The following ARMC8 variants were observed in gnomAD, a reference collection of about 807,000 sequenced individuals.
The protein encoded by ARMC8 is armadillo repeat containing 8.
ARMC8 carries 20 observed loss-of-function variants against 99.3 expected under a neutral mutation model. The ratio of observed to expected loss-of-function variants is 0.20; its 90% confidence interval spans 0.14 to 0.29. ARMC8 has a LOEUF of 0.29. Ranked by LOEUF, ARMC8 falls within the 10% of genes least tolerant of loss-of-function variation. The pLI is 1.00. For missense variants in ARMC8, 569 were observed against 809.5 expected (o/e 0.70, Z 3.60); for synonymous variants, 263 against 278.3 (o/e 0.95, Z 0.55).
chr3:138,262,613 AT>A lies in ARMC8; in HGVS notation c.1135-1123del, dbSNP rs140978932. The stretch of plus-strand genomic sequence containing the variant: ...TGAGGAGATTAAAAAAAAAAAAAAA[AT>A]TTAGGTGCCTAGCCCTGACCCTGGA... On this transcript the variant is annotated intron_variant, in intron 12 of 21. Transcript: ENST00000469044. 3.4e-3 allele frequency: 5,008 copies of A among 1,486,142 alleles called. 1 individual carries two copies. Among genetic ancestry groups the A allele is most frequent in the South Asian group, 0.018 (1,306 of 74,050 alleles). 92.1% of individuals were successfully genotyped at this position (1,486,142 alleles called of 1,614,324 possible). A position where few individuals can be genotyped will look rare whatever the true frequency, so the allele number is the denominator to read the frequency against.
chr3:138,211,849 T>G (rs866740010), intron 2 of ARMC8, among the ~76,000 whole-genome samples: 25 of 152,132 alleles, frequency 1.6e-4, no homozygotes, highest in African/African-American at 5.1e-4. Flanking sequence ...GTCTGATACG[T>G]TGTGGATCAG....
chr3:138,195,248 G>A (rs1434543087), intron 1 of ARMC8, among the ~76,000 whole-genome samples: 1 of 149,160 alleles, frequency 6.7e-6, no homozygotes, highest in South Asian at 2.1e-4. Context: ...ACTGCAGTCC[G>A]CAGTCCGGCC....
At chr3:138,274,108 C>T (rs747859564) in intron 17 of ARMC8, among the ~76,000 whole-genome samples, 1 of 151,980 alleles carries the variant, frequency 6.6e-6, no homozygotes, top group African/African-American at 2.4e-5. Flanking sequence ...GTGAGCGTAC[C>T]GTACTTGGCC....
At chr3:138,250,686 G>A (rs2047082386) in intron 12 of ARMC8, among the ~76,000 whole-genome samples, 1 of 152,164 alleles carries the variant, frequency 6.6e-6, no homozygotes. Context: ...GCTTATGGTT[G>A]TCATGGATGT....
At chr3:138,269,795 A>G (rs2048606641) in intron 15 of ARMC8, among the ~76,000 whole-genome samples, 1 of 150,874 alleles carries the variant, frequency 6.6e-6, no homozygotes, top group Non-Finnish European at 1.5e-5. Context: ...AGGAAATGAC[A>G]GAGTGGTTTG....
At chr3:138,235,292 C>G (rs890765957) in intron 7 of ARMC8, among the ~76,000 whole-genome samples, 178 bp downstream of exon 7, 2 of 151,614 alleles carry the variant, frequency 1.3e-5, no homozygotes, top group African/African-American at 4.8e-5. Flanking sequence ...AAAAAAGCTG[C>G]CCTTGCATCT....
At chr3:138,188,318 A>G in intron 1 of ARMC8, 2 of 1,173,430 alleles carry the variant, frequency 1.7e-6, no homozygotes, top group African/African-American at 1.6e-5. Flanking sequence ...AAAGGGGGTG[A>G]GATTTATTTC....
chr3:138,274,233 A>ATGTGTGTGTGTG (rs142329302), intron 17 of ARMC8, among the ~76,000 whole-genome samples: 14 of 142,342 alleles, frequency 9.8e-5, no homozygotes, highest in African/African-American at 3.6e-4. Flanking sequence ...GTGTATATAC[A>ATGTGTGTGTGTG]TGTGTGTGTG....
At chr3:138,208,089 T>G (rs1159431757) in intron 1 of ARMC8, among the ~76,000 whole-genome samples, 4 of 38,892 alleles carry the variant, frequency 1.0e-4, no homozygotes, top group African/African-American at 2.2e-4. Context: ...GGCATCTCTG[T>G]TTTTTTTTTT....
chr3:138,289,177 G>A, intron 20 of ARMC8, 57 bp downstream of exon 20: 1 of 1,403,516 alleles, frequency 7.1e-7, no homozygotes, highest in East Asian at 2.3e-5. Flanking sequence ...GTCTTGCACA[G>A]GGAAGCTAGC....
At chr3:138,242,028 A>C in intron 11 of ARMC8, 45 bp downstream of exon 11, 8 of 1,551,336 alleles carry the variant, frequency 5.2e-6, no homozygotes, top group Non-Finnish European at 7.1e-6. Context: ...GATTTTTCTA[A>C]AGTTTTTCTT....
At chr3:138,218,067 C>G (rs936410838) in intron 2 of ARMC8, among the ~76,000 whole-genome samples, 3 of 152,102 alleles carry the variant, frequency 2.0e-5, no homozygotes, top group Non-Finnish European at 4.4e-5. Flanking sequence ...TAGTACCAAG[C>G]ATTGTGCTAG....
At chr3:138,245,413 C>T (rs80151101) in intron 12 of ARMC8, 1 of 1,360,600 alleles carries the variant, frequency 7.3e-7, no homozygotes, top group Non-Finnish European at 9.5e-7. Flanking sequence ...AACTGGCGTG[C>T]TTTTTTTTTG....
chr3:138,264,919 A>T (rs2048127806), intron 14 of ARMC8, among the ~76,000 whole-genome samples: 1 of 150,128 alleles, frequency 6.7e-6, no homozygotes. Context: ...TTAAATAGAC[A>T]CAGGGTCTCA....
intron 1 of ARMC8, among the ~76,000 whole-genome samples, chr3:138,205,060 CTTTTTTTTTTT>C (rs71146118): frequency 1.2e-3 from 110 of 93,224 alleles, no homozygotes; most frequent in African/African-American, 4.4e-3. Context: ...CTTTTCTTTT[CTTTTTTTTTTT>C]TTTTTTTTTT....
In ARMC8 at chr3:138,276,188, G is replaced by A. The variant is rs192076960; in HGVS notation, c.1725+1644G>A. 5.3e-5 allele frequency among the ~76,000 whole-genome samples: 8 copies of A among 152,326 alleles called. No individual in the cohort carries two copies. In the East Asian group the frequency reaches 1.5e-3, roughly 29 times the overall value. On this transcript the variant is annotated intron_variant, in intron 18 of 21. Transcript: ENST00000469044. ...TTGGAAGTGATCTGGAAATAGGCGA[G>A]TATGGGAGGCTAAACAGTCGGCTCA...
At chr3:138,227,399 C>T (rs534980361) in intron 5 of ARMC8, among the ~76,000 whole-genome samples, 27 of 152,370 alleles carry the variant, frequency 1.8e-4, no homozygotes, top group South Asian at 2.1e-4. Context: ...ACCTGCTTCA[C>T]TATCCTTTGC....
At chr3:138,206,244 A>G (rs1331899647) in intron 1 of ARMC8, among the ~76,000 whole-genome samples, 1 of 152,248 alleles carries the variant, frequency 6.6e-6, no homozygotes, top group Non-Finnish European at 1.5e-5. Flanking sequence ...AAAGTTTTAA[A>G]ATAACTGAAT....
chr3:138,280,156 G>A (rs1373273735), intron 18 of ARMC8, among the ~76,000 whole-genome samples: 2 of 151,946 alleles, frequency 1.3e-5, no homozygotes, highest in African/African-American at 2.4e-5. Context: ...TGCCCACCTC[G>A]GCCTCCCAAA....
Sources: allele counts gnomAD v4.1 joint callset (sites outside exome capture counted in the v4.1 genomes callset), GRCh38; gene constraint gnomAD v4.1.1; transcripts MANE v1.5; gene names NCBI Gene and HGNC (gene_info 2026-07-23, HGNC 2026-07-21).